The following PTPN13 variants were observed in gnomAD, a reference collection of about 807,000 sequenced individuals.
The protein encoded by PTPN13 is protein tyrosine phosphatase non-receptor type 13.
In PTPN13, 191 loss-of-function variants were observed where a neutral mutation model predicts 284.0. The ratio of observed to expected loss-of-function variants is 0.67; its 90% confidence interval spans 0.60 to 0.76. The LOEUF (loss-of-function observed/expected upper bound fraction) is 0.76. Ranked by LOEUF, PTPN13 falls within the 30% of genes least tolerant of loss-of-function variation. The pLI is 0.00. For synonymous variants in PTPN13, 986 were observed against 1,022.3 expected (o/e 0.96, Z 0.68); for missense variants, 2,797 against 2,939.9 (o/e 0.95, Z 1.12).
chr4:86,814,529 A>G lies in PTPN13; in HGVS notation c.7436A>G (p.Gln2479Arg). 6.2e-7 allele frequency: 1 copy of G among 1,612,128 alleles called. No individual in the cohort carries two copies. Residue 2479 changes from glutamine to arginine, a missense_variant, in exon 48 of 48, where the codon CAG becomes CGG. By Grantham distance (43) the Gln-to-Arg change is conservative. Transcript: ENST00000411767. Reference sequence around the variant, plus strand: ...CTTCAAGCAGAAGAAGAGCAAAAACAGCAGCCTCAGCTTCTGAAGTGACAT... The same window carrying G: ...CTTCAAGCAGAAGAAGAGCAAAAACGGCAGCCTCAGCTTCTGAAGTGACAT... Reference protein sequence around the residue: ...TRLQAEEEQKQQPQLLK With the variant: ...TRLQAEEEQKRQPQLLK
chr4:86,595,775 T>G (rs1455130259), intron 1 of PTPN13: 4 of 985,484 alleles, frequency 4.1e-6, no homozygotes, highest in Non-Finnish European at 4.8e-6. Flanking sequence ...ATCTGTGGGA[T>G]GAAGGGCGCT....
At chr4:86,667,878 G>A (rs968678620) in intron 2 of PTPN13, among the ~76,000 whole-genome samples, 2 of 152,214 alleles carry the variant, frequency 1.3e-5, no homozygotes, top group South Asian at 2.1e-4. Context: ...CATGTTTGTT[G>A]CCTAGTTAAG....
At chr4:86,803,641 C>A in intron 42 of PTPN13, 68 bp from the exon 43 acceptor site, 1 of 1,494,400 alleles carries the variant, frequency 6.7e-7, no homozygotes, top group Non-Finnish European at 9.3e-7. Context: ...TGAACATAGG[C>A]TGAAATTAGT....
In PTPN13 at chr4:86,762,745, A is replaced by C; in HGVS notation, c.3572A>C (p.His1191Pro). 1 of 1,600,762 alleles carries C rather than the reference A, an allele frequency of 6.2e-7. No individual in the cohort carries two copies. The change falls in exon 24 of 48, where the codon CAT (histidine) becomes CCT (proline). Residue 1191 changes from histidine (H) to proline (P), a missense_variant. His to Pro is a moderately conservative substitution (Grantham distance 77). Transcript: ENST00000411767. The part of the protein sequence containing the change: ...KISKVPSTPV[H>P]LTNEMKNYMK... The stretch of plus-strand genomic sequence containing the variant: ...CTTTTAGTGCCTTCTACTCCTGTGC[A>C]TCTCACCAATGAGATGAAAAACTAC...
rs551455459 is a variant in PTPN13, at chr4:86,767,266, A to G, written c.4330-551A>G. On this transcript the variant is annotated intron_variant, in intron 27 of 47. Coordinates refer to ENST00000411767, the MANE Select transcript of PTPN13 (RefSeq NM_080683.3). ...GCTTTTTTTTTTTTTTTTAATTGAG[A>G]TGGAATTTCGCTCTTGTCACCCAGG... is the stretch of plus-strand genomic sequence containing the variant. Among the ~76,000 whole-genome samples the G allele has an allele frequency of 1.1e-4, 14 of 126,412 alleles. No individual in the cohort carries two copies. The South Asian group carries it at 3.7e-3, about 34-fold the overall frequency. The allele number at this position is 126,412 out of a possible 152,430, so 82.9% of individuals were successfully genotyped here.
chr4:86,814,513 G>A lies in PTPN13; in HGVS notation c.7420G>A (p.Glu2474Lys). ...TTATGTCCTGACACGTCTTCAAGCA[G>A]AAGAAGAGCAAAAACAGCAGCCTCA... Reference protein sequence around the residue: ...ILYVLTRLQAEEEQKQQPQLL... With the variant: ...ILYVLTRLQAKEEQKQQPQLL... Residue 2474 changes from glutamate (E) to lysine (K), a missense_variant, in exon 48 of 48, where the codon GAA becomes AAA. Transcript: ENST00000411767. The A allele has an allele frequency of 6.2e-7, 1 of 1,612,902 alleles. No homozygotes were observed. The highest frequency in any genetic ancestry group is 8.5e-7 in the Non-Finnish European group (1 of 1,179,540).
rs57695851 is a variant in PTPN13 at position 86,709,070 on chromosome 4, TAC to T, written c.1195+7285_1195+7286del. Among the ~76,000 whole-genome samples the T allele has an allele frequency of 2.8e-4, 42 of 149,794 alleles. No homozygotes were observed. In the East Asian group the frequency reaches 3.6e-3, roughly 13 times the overall value. On this transcript the variant is annotated intron_variant, in intron 7 of 47. Transcript: ENST00000411767. ...AAAAAGAAATACATACACACACACATACACACACACACACACAAACACACACT... is the reference window on the plus strand; with the variant it reads ...AAAAAGAAATACATACACACACACATACACACACACACACAAACACACACT...
At chr4:86,620,620 C>G (rs1721110840) in intron 1 of PTPN13, among the ~76,000 whole-genome samples, 1 of 152,124 alleles carries the variant, frequency 6.6e-6, no homozygotes, top group Non-Finnish European at 1.5e-5. Context: ...GTCTAAATAG[C>G]CAACATTACT....
At chr4:86,786,977 C>T (rs1209838024) in intron 40 of PTPN13, among the ~76,000 whole-genome samples, 1 of 151,820 alleles carries the variant, frequency 6.6e-6, no homozygotes, top group Non-Finnish European at 1.5e-5. Flanking sequence ...TGGTGGCGCA[C>T]ACCTGTATTC....
chr4:86,713,651 A>G (rs1180313552), intron 7 of PTPN13, among the ~76,000 whole-genome samples: 1 of 152,130 alleles, frequency 6.6e-6, no homozygotes. Context: ...ATGCAATATT[A>G]TTCCTAGTTC....
intron 13 of PTPN13, 60 bp downstream of exon 13, chr4:86,734,516 C>T: frequency 7.2e-7 from 1 of 1,380,348 alleles, no homozygotes; most frequent in Non-Finnish European, 9.7e-7. Flanking sequence ...GACCCTTTAG[C>T]TTACTGATAC....
In PTPN13 at chr4:86,732,445, A is replaced by T. The variant is rs781164070; in HGVS notation, c.1654A>T (p.Ile552Leu). 1 of 1,602,030 alleles carries T rather than the reference A, an allele frequency of 6.2e-7. No individual in the cohort carries two copies. The highest frequency in any genetic ancestry group is 2.2e-5 in the East Asian group (1 of 44,538). The change falls in exon 11 of 48, where the codon ATA (isoleucine) becomes TTA (leucine). Residue 552 changes from isoleucine (I) to leucine (L), a missense_variant. Transcript: ENST00000411767. Reference sequence around the variant, plus strand: ...TGTGAAAATGACAATTGAACCATTTATATCTTTGGATTTGCCACGGTCTAT... The same window carrying T: ...TGTGAAAATGACAATTGAACCATTTTTATCTTTGGATTTGCCACGGTCTAT... ...EFVKMTIEPF[I>L]SLDLPRSILT...
At chr4:86,595,372 C>T (rs1190066890) in intron 1 of PTPN13, among the ~76,000 whole-genome samples, 3 of 151,868 alleles carry the variant, frequency 2.0e-5, no homozygotes, top group African/African-American at 7.3e-5. Context: ...ACACTCTACC[C>T]TCCGGCCCCC....
At chr4:86,705,333 C>CGAAAAAAAAAAAAAAAAAAAAAAAA (rs1731631004) in intron 7 of PTPN13, among the ~76,000 whole-genome samples, 1 of 95,386 alleles carries the variant, frequency 1.0e-5, no homozygotes, top group Non-Finnish European at 2.2e-5. Context: ...GACTCCGTCT[C>CGAAAAAAAAAAAAAAAAAAAAAAAA]AAAAAAAAAA....
At position 86,763,209 on chromosome 4, in the gene PTPN13, A is replaced by G; in HGVS notation, c.4017+19A>G. 1.3e-6 allele frequency: 2 copies of G among 1,582,926 alleles called. No homozygotes were observed. The highest frequency in any genetic ancestry group is 2.2e-5 in the East Asian group (1 of 44,604). ...AAAACAGGCATAGTTTAATTTTAAT[A>G]TTTTGGTTTTCTCATTTAACAAAGC... On this transcript the variant is annotated intron_variant, in intron 24 of 47. Transcript: ENST00000411767.
Position 86,763,110 on chromosome 4 carries a change from A to G in PTPN13, c.3937A>G (p.Thr1313Ala). 6.2e-7 allele frequency: 1 copy of G among 1,613,948 alleles called. No individual in the cohort carries two copies. The highest frequency in any genetic ancestry group is 8.5e-7 in the Non-Finnish European group (1 of 1,179,868). ...TAAAAAGCCAGGCATTTCTGATGTA[A>G]CTGATTACTCAGACCGTGGAGATTC... The part of the protein sequence containing the change: ...KTKKPGISDV[T>A]DYSDRGDSDM... Residue 1313 changes from threonine (T) to alanine (A), a missense_variant, in exon 24 of 48, where the codon ACT becomes GCT. Thr to Ala is a moderately conservative substitution (Grantham distance 58, BLOSUM62 0). Transcript: ENST00000411767.
intron 18 of PTPN13, 70 bp downstream of exon 18, chr4:86,750,957 G>T: frequency 6.4e-7 from 1 of 1,563,266 alleles, no homozygotes; most frequent in South Asian, 1.2e-5. Flanking sequence ...TTTTTGTTAT[G>T]ACATTTTATT....
chr4:86,654,456 A>G (rs927179479), intron 2 of PTPN13, among the ~76,000 whole-genome samples: 3 of 152,108 alleles, frequency 2.0e-5, no homozygotes, highest in Admixed American at 6.5e-5. Flanking sequence ...CTTTGTTCTC[A>G]TTGGTTTCAA....
chr4:86,688,219 A>G (rs1204348452), intron 4 of PTPN13, among the ~76,000 whole-genome samples: 1 of 152,232 alleles, frequency 6.6e-6, no homozygotes, highest in African/African-American at 2.4e-5. Context: ...TGGAAGAGTC[A>G]TAGGAAAGGC....
Sources: allele counts gnomAD v4.1 joint callset (sites outside exome capture counted in the v4.1 genomes callset), GRCh38; gene constraint gnomAD v4.1.1; transcripts MANE v1.5; gene names NCBI Gene and HGNC (gene_info 2026-07-23, HGNC 2026-07-21).